Variants in RBM42 observed in about 807,000 individuals in gnomAD.
RBM42 encodes RNA binding motif protein 42, also known as RNA-binding protein 42.
Under a neutral mutation model 41.4 loss-of-function variants are expected in RBM42, and 21 were observed. The observed-to-expected ratio is 0.51, with a 90% confidence interval of 0.36 to 0.73. The LOEUF is 0.73. Ranked by LOEUF, RBM42 falls within the 30% of genes least tolerant of loss-of-function variation. RBM42 has a pLI of 0.00. For missense variants in RBM42, 539 were observed against 680.4 expected (o/e 0.79, Z 2.31); for synonymous variants, 272 against 271.2 (o/e 1.00, Z -0.03).
At chr19:35,629,411 G>A (rs1170816748) in intron 1 of RBM42, 109 bp from the exon 2 acceptor site, 37 of 1,539,834 alleles carry the variant, frequency 2.4e-5, no homozygotes, top group African/African-American at 4.1e-5. Flanking sequence ...GGATTGTGGG[G>A]GCGGGGATAG....
At position 35,633,706 on chromosome 19, in the gene RBM42, G is replaced by A. The variant is rs1967445983; in HGVS notation, c.704G>A (p.Arg235Gln). 6.8e-6 allele frequency: 10 copies of A among 1,466,988 alleles called. No individual in the cohort carries two copies. Among genetic ancestry groups the A allele is most frequent in the Non-Finnish European group, 9.0e-6 (10 of 1,113,934 alleles). 90.9% of individuals were successfully genotyped at this position (1,466,988 alleles called of 1,614,324 possible). ...CCACAGGAAGAGCCAGCAGCACCCC[G>A]AGAGCTGGGCCTAGGCCTGGGGTTG... Reference protein sequence around the residue: ...RPPLEEPAAPRELGLGLGLGL... With the variant: ...RPPLEEPAAPQELGLGLGLGL... Residue 235 changes from arginine (R) to glutamine (Q), a missense_variant, in exon 7 of 10, where the codon CGA (arginine) becomes CAA (glutamine). Physicochemically the swap from Arg to Gln is conservative, Grantham distance 43 (BLOSUM62 1). Coordinates refer to ENST00000262633, the MANE Select transcript of RBM42 (RefSeq NM_024321.5).
Position 35,637,543 on chromosome 19 carries a change from G to A in RBM42, c.1432G>A (p.Gly478Ser). 1 of 1,614,122 alleles carries A rather than the reference G, an allele frequency of 6.2e-7. No individual in the cohort carries two copies. The highest frequency in any genetic ancestry group is 8.5e-7 in the Non-Finnish European group (1 of 1,179,972). The change falls in exon 10 of 10, where the codon GGC becomes AGC. Residue 478 changes from glycine to serine, a missense_variant. By Grantham distance (56) the Gly-to-Ser change is moderately conservative. Transcript: ENST00000262633. This position sits in a 1 kb window ranked among gnomAD's most constrained non-coding sequence, Gnocchi z 7.0. Reference sequence around the variant, plus strand: ...GAAGCAGAAGGAAAAGAAGAAGCTGGGCCTGAGATAGGGTCTGTGGCCAGG... The same window carrying A: ...GAAGCAGAAGGAAAAGAAGAAGCTGAGCCTGAGATAGGGTCTGTGGCCAGG... ...RKKQKEKKKL[G>S]LR
intron 2 of RBM42, among the ~76,000 whole-genome samples, chr19:35,630,640 C>T (rs1054327947): frequency 3.3e-5 from 5 of 152,116 alleles, no homozygotes; most frequent in African/African-American, 1.2e-4. Context: ...TCGGCGGGCG[C>T]CTATAATCCC....
chr19:35,631,236 G>A lies in RBM42; in HGVS notation c.367+12G>A, dbSNP rs756060742. 4 of 1,613,840 alleles carry A rather than the reference G, an allele frequency of 2.5e-6. No homozygotes were observed. The highest frequency in any genetic ancestry group is 8.5e-7 in the Non-Finnish European group (1 of 1,179,748). ...TTTTGTAGGCCCTGGTAAGTAAAGA[G>A]TAGCAAGGTGAGGGGGTTGGGCAAT... On this transcript the variant is annotated intron_variant, in intron 3 of 9. Coordinates refer to ENST00000262633, the MANE Select transcript of RBM42 (RefSeq NM_024321.5).
chr19:35,635,595 A>C (rs1967483549), intron 8 of RBM42, among the ~76,000 whole-genome samples: 1 of 145,786 alleles, frequency 6.9e-6, no homozygotes, highest in Non-Finnish European at 1.5e-5. Context: ...TCGGCAGCTC[A>C]CTGCAACCTC....
chr19:35,635,928 G>C (rs1406090007), intron 8 of RBM42, among the ~76,000 whole-genome samples: 1 of 152,102 alleles, frequency 6.6e-6, no homozygotes, highest in East Asian at 1.9e-4. Context: ...TTCTGAGTTT[G>C]TCCGGTTGTT....
intron 2 of RBM42, 67 bp downstream of exon 2, chr19:35,629,740 CAG>C (rs1967371970): frequency 3.2e-6 from 5 of 1,542,630 alleles, no homozygotes; most frequent in Non-Finnish European, 4.4e-6. Context: ...TGTTTGTGTA[CAG>C]AGAGCTGTTG....
At position 35,629,267 on chromosome 19, in the gene RBM42, G is replaced by A. The variant is rs1202145444; in HGVS notation, c.114G>A (p.Glu38=). 1.3e-6 allele frequency: 2 copies of A among 1,533,996 alleles called. No individual in the cohort carries two copies. The highest frequency in any genetic ancestry group is 2.7e-5 in the African/African-American group (2 of 72,738). ...GCGAGGAACGCTTGAAGGAAATGGA[G>A]GCGGAGATGGCCCTGTAAGGCCCGC... ...KSGEERLKEM[E]AEMALFEQEV... is the part of the protein sequence containing the mutation. Residue 38 remains glutamate, a synonymous_variant, in exon 1 of 10, where the codon GAG becomes GAA. Coordinates refer to ENST00000262633, the MANE Select transcript of RBM42 (RefSeq NM_024321.5).
Position 35,629,584 on chromosome 19 carries a change from A to C in RBM42, c.193A>C (p.Thr65Pro). ...GIPTAVPAVP[T>P]VPTVPTVEAM... Reference sequence around the variant, plus strand: ...CCCAACTGCTGTGCCTGCGGTGCCCACTGTCCCCACGGTCCCCACAGTAGA... The same window carrying C: ...CCCAACTGCTGTGCCTGCGGTGCCCCCTGTCCCCACGGTCCCCACAGTAGA... Residue 65 changes from threonine (T) to proline (P), a missense_variant, in exon 2 of 10, where the codon ACT becomes CCT. By Grantham distance (38) the Thr-to-Pro change is conservative. Around this residue, in one of 2 missense-constraint regions of RBM42, gnomAD observed 429 missense variants for 488.9 expected, o/e 0.88. Transcript: ENST00000262633. 1.2e-6 allele frequency: 2 copies of C among 1,613,856 alleles called. No individual in the cohort carries two copies. Among genetic ancestry groups the C allele is most frequent in the Non-Finnish European group, 1.7e-6 (2 of 1,179,722 alleles).
rs896797853 is a variant in RBM42 at position 35,631,014 on chromosome 19, T to C, written c.283-126T>C. On this transcript the variant is annotated intron_variant, in intron 2 of 9. Transcript: ENST00000262633. The stretch of plus-strand genomic sequence containing the variant: ...CCTCCCCGAGAAGTGGCATTTTAGC[T>C]AAGACCTGAGATAGCCAGCCACATA... The C allele has an allele frequency of 2.8e-5, 23 of 824,946 alleles. No individual in the cohort carries two copies. In the African/African-American group the frequency reaches 3.6e-4, roughly 13 times the overall value. 51.1% of individuals were successfully genotyped at this position (824,946 alleles called of 1,614,324 possible).
rs1471198696 is a variant in RBM42, at chr19:35,629,219, C to A, written c.66C>A (p.Gly22=). Residue 22 remains glycine (G), a synonymous_variant, in exon 1 of 10, where the codon GGC becomes GGA. Transcript: ENST00000262633. The stretch of plus-strand genomic sequence containing the variant: ...GAGGACCCGTGGTCCCGGGTCCTGG[C>A]GCTGGCATCCCGGGCAAAAGCGGCG... The part of the protein sequence containing the change: ...GAGGPVVPGP[G]AGIPGKSGEE... The A allele has an allele frequency of 1.3e-6, 2 of 1,537,516 alleles. No individual in the cohort carries two copies. Among genetic ancestry groups the A allele is most frequent in the Non-Finnish European group, 8.7e-7 (1 of 1,144,824 alleles).
chr19:35,634,636 T>TC (rs1599607925), intron 8 of RBM42, among the ~76,000 whole-genome samples: 1 of 151,796 alleles, frequency 6.6e-6, no homozygotes, highest in African/African-American at 2.4e-5. Flanking sequence ...TCTTTTTTTT[T>TC]CCCAACTCTT....
intron 8 of RBM42, among the ~76,000 whole-genome samples, chr19:35,634,831 A>T (rs887348637): frequency 1.3e-5 from 2 of 151,232 alleles, no homozygotes; most frequent in African/African-American, 4.9e-5. Context: ...GCCGGGAAAA[A>T]TTTTAAACAC....
At chr19:35,631,447 C>CT (rs773660752) in intron 4 of RBM42, 42 bp downstream of exon 4, 4 of 1,578,352 alleles carry the variant, frequency 2.5e-6, no homozygotes, top group Non-Finnish European at 2.6e-6. Flanking sequence ...ATCAGGCACT[C>CT]TTGTTTACAT....
chr19:35,634,391 G>A lies in RBM42; in HGVS notation c.1135+18G>A, dbSNP rs1446089493. 11 of 1,593,708 alleles carry A rather than the reference G, an allele frequency of 6.9e-6. No homozygotes were observed. The highest frequency in any genetic ancestry group is 1.7e-5 in the Admixed American group (1 of 59,862). On this transcript the variant is annotated intron_variant, in intron 8 of 9. Transcript: ENST00000262633. ...GGATGCAGGTAAGCTGCTGAAGCTCGAGGTCAGGCGTGGCTCGGCCAAGGT... is the reference window on the plus strand; with the variant it reads ...GGATGCAGGTAAGCTGCTGAAGCTCAAGGTCAGGCGTGGCTCGGCCAAGGT...
chr19:35,635,330 AAG>A (rs1491329173), intron 8 of RBM42, among the ~76,000 whole-genome samples: 1 of 151,580 alleles, frequency 6.6e-6, no homozygotes, highest in Non-Finnish European at 1.5e-5. Flanking sequence ...AAAAAAAAAA[AAG>A]AAAAGAGATA....
chr19:35,635,209 G>A (rs1031736004), intron 8 of RBM42, among the ~76,000 whole-genome samples: 3 of 151,082 alleles, frequency 2.0e-5, no homozygotes, highest in Admixed American at 6.6e-5. Context: ...CCAGCTACTC[G>A]GTTGGCTGAG....
rs374379071 is a variant in RBM42, at chr19:35,637,587, C to A, written c.*33C>A. On this transcript the variant is annotated 3_prime_UTR_variant, in exon 10 of 10. Transcript: ENST00000262633. The surrounding 1 kb of genome is among the most constrained non-coding windows in gnomAD (Gnocchi z 7.0). The stretch of plus-strand genomic sequence containing the variant: ...GGCCAGGCACCCGCTCCCACCTGGC[C>A]GGGCGCTGGCTCCTCCCTCAGTTCT... 2 of 1,548,504 alleles carry A rather than the reference C, an allele frequency of 1.3e-6. No individual in the cohort carries two copies. Among genetic ancestry groups the A allele is most frequent in the African/African-American group, 2.7e-5 (2 of 73,376 alleles).
At chr19:35,630,035 G>A (rs577736441) in intron 2 of RBM42, among the ~76,000 whole-genome samples, 3 of 152,208 alleles carry the variant, frequency 2.0e-5, no homozygotes, top group Non-Finnish European at 4.4e-5. Flanking sequence ...TAGGCTGGGC[G>A]CTGGGCGTGG....
Sources: gnomAD v4.1 joint callset for allele counts (sites outside exome capture counted in the v4.1 genomes callset) on GRCh38, gnomAD v4.1.1 for gene constraint, gnomAD v4.1.1 regional missense constraint, Gnocchi (gnomAD v3.1) non-coding constraint, MANE v1.5 for transcripts, NCBI Gene and HGNC (gene_info 2026-07-23, HGNC 2026-07-21) for gene names.